Variants in ADRA1A observed in about 807,000 individuals in gnomAD.
ADRA1A encodes alpha-1A adrenergic receptor.
A neutral mutation model predicts 29.6 loss-of-function variants in ADRA1A; 31 were observed. The observed-to-expected ratio is 1.05, with a 90% CI of 0.79 to 1.41. The LOEUF (loss-of-function observed/expected upper bound fraction) is 1.41, where lower values mean the gene tolerates loss of function less well. Ranked by LOEUF, ADRA1A falls within the 40% of genes most tolerant of loss-of-function variation. ADRA1A has a pLI of 0.00. For missense variants in ADRA1A, 619 were observed against 601.1 expected, an observed-to-expected ratio of 1.03 and a Z score of -0.31; for synonymous variants, 311 against 254.3, an observed-to-expected ratio of 1.22 and a Z score of -2.12.
chr8:26,769,018 G>C lies in ADRA1A; in HGVS notation c.*1131C>G. ...ATCCATCAGTATTGTCTGAAGCTAAGCATTAGTATTTTTCAAAGTTCGGGA... is the reference window on the plus strand; with the variant it reads ...ATCCATCAGTATTGTCTGAAGCTAACCATTAGTATTTTTCAAAGTTCGGGA... On this transcript the variant is annotated 3_prime_UTR_variant, in exon 3 of 3. Transcript: ENST00000380573. The C allele has an allele frequency of 3.0e-6, 3 of 985,434 alleles. No individual in the cohort carries two copies. The highest frequency in any genetic ancestry group is 3.6e-6 in the Non-Finnish European group (3 of 829,934). 61.0% of individuals were successfully genotyped at this position (985,434 alleles called of 1,614,324 possible).
chr8:26,768,973 C>A lies in ADRA1A; in HGVS notation c.*1176G>T, dbSNP rs1481244052. The A allele has an allele frequency of 4.1e-6, 4 of 985,282 alleles. No homozygotes were observed. Among genetic ancestry groups the A allele is most frequent in the Non-Finnish European group, 4.8e-6 (4 of 829,902 alleles). The allele number at this position is 985,282 out of a possible 1,614,324, so 61.0% of individuals were successfully genotyped here. On this transcript the variant is annotated 3_prime_UTR_variant, in exon 3 of 3. Coordinates refer to ENST00000380573, the MANE Select transcript of ADRA1A (RefSeq NM_000680.4). ...ATCAAAAAATGTTTGCAAACTCCTG[C>A]GTTAGACAGTTCTTTGGTGATCCAT... is the stretch of plus-strand genomic sequence containing the variant.
chr8:26,756,686 C>T (rs758789334), exon 3 of ADRA1A: 52 of 1,613,108 alleles, frequency 3.2e-5, no homozygotes, highest in Non-Finnish European at 3.7e-5. Flanking sequence ...CAGTGGGTCG[C>T]AGGACCAGTG....
Position 26,865,212 on chromosome 8 carries a change from G to A in ADRA1A, c.-243C>T. 2 of 1,354,898 alleles carry A rather than the reference G, an allele frequency of 1.5e-6. No homozygotes were observed. The highest frequency in any genetic ancestry group is 9.5e-7 in the Non-Finnish European group (1 of 1,055,450). 83.9% of individuals were successfully genotyped at this position (1,354,898 alleles called of 1,614,324 possible). A position where few individuals can be genotyped will look rare whatever the true frequency, so the allele number is the denominator to read the frequency against. On this transcript the variant is annotated 5_prime_UTR_variant, in exon 2 of 3. Coordinates refer to ENST00000380573, the MANE Select transcript of ADRA1A (RefSeq NM_000680.4). The surrounding 1 kb of genome is among the most constrained non-coding windows in gnomAD (Gnocchi z 7.6). ...GACATGGCCAGGGGCGCGCGGGGCT[G>A]CCGGGGACCCTCTCCACCTGCCGGG... is the stretch of plus-strand genomic sequence containing the variant.
At chr8:26,752,273 G>C (rs1381446374), downstream of ADRA1A, among the ~76,000 whole-genome samples, 2 of 152,188 alleles carry the variant, frequency 1.3e-5, no homozygotes, top group African/African-American at 4.8e-5. Context: ...TGAGGAGGCG[G>C]TGTCTCATTT....
intron 2 of ADRA1A, among the ~76,000 whole-genome samples, chr8:26,759,251 A>G (rs909510525): frequency 6.6e-6 from 1 of 152,242 alleles, no homozygotes; most frequent in Non-Finnish European, 1.5e-5. Flanking sequence ...AAGTTTAGGT[A>G]TCAGGGTTGC....
rs955552743 is a variant in ADRA1A, at chr8:26,815,876, A to G, written c.884-45210T>C. Among the ~76,000 whole-genome samples, 2 of 152,186 alleles carry G rather than the reference A, an allele frequency of 1.3e-5. No individual in the cohort carries two copies. Among genetic ancestry groups the G allele is most frequent in the African/African-American group, 4.8e-5 (2 of 41,442 alleles). ...ATTAAGTGCTAATGCTTCTCTGGAG[A>G]GGTTCCAGGGCAGAAGGAATGAGAG... On this transcript the variant is annotated intron_variant, in intron 2 of 2. Transcript: ENST00000380573. This position sits in a 1 kb window ranked among gnomAD's most constrained non-coding sequence, Gnocchi z 4.2.
chr8:26,846,079 A>T (rs996284278), intron 2 of ADRA1A, among the ~76,000 whole-genome samples: 3 of 152,246 alleles, frequency 2.0e-5, no homozygotes, highest in African/African-American at 7.2e-5. Context: ...ATTTTACGTT[A>T]TGTGAATTTA....
intron 2 of ADRA1A, among the ~76,000 whole-genome samples, chr8:26,774,910 T>C (rs1461266479): frequency 2.6e-5 from 4 of 152,156 alleles, no homozygotes; most frequent in Non-Finnish European, 5.9e-5. Flanking sequence ...CCTCCATTCT[T>C]CCCAAATCTC....
At chr8:26,856,033 G>A (rs1384669505) in intron 2 of ADRA1A, among the ~76,000 whole-genome samples, 2 of 152,204 alleles carry the variant, frequency 1.3e-5, no homozygotes, top group Non-Finnish European at 2.9e-5. Context: ...ATTGTTCAAA[G>A]CATTGTTAGA....
chr8:26,790,398 T>TA (rs1807729598), intron 2 of ADRA1A, among the ~76,000 whole-genome samples: 1 of 152,068 alleles, frequency 6.6e-6, no homozygotes, highest in Non-Finnish European at 1.5e-5. Context: ...ATGCAGAAGC[T>TA]AAAAAAGTTG....
In ADRA1A at chr8:26,770,427, C is replaced by A. The variant is rs61731555; in HGVS notation, c.1123G>T (p.Val375Leu). 1.8e-4 allele frequency: 295 copies of A among 1,614,210 alleles called. 1 individual carries two copies. In the African/African-American group the frequency reaches 3.8e-3, roughly 21 times the overall value. The change falls in exon 3 of 3, where the codon GTG (valine) becomes TTG (leucine). Residue 375 changes from valine to leucine, a missense_variant. Coordinates refer to ENST00000380573, the MANE Select transcript of ADRA1A (RefSeq NM_000680.4). Reference protein sequence around the residue: ...QAVEGQHKDMVRIPVGSRETF... With the variant: ...QAVEGQHKDMLRIPVGSRETF... ...TCTCTTGATCCCACGGGGATGCGCA[C>A]CATGTCCTTGTGTTGCCCTTCCACG...
At chr8:26,752,314 G>C (rs181824080), downstream of ADRA1A, among the ~76,000 whole-genome samples, 4 of 152,206 alleles carry the variant, frequency 2.6e-5, no homozygotes, top group Non-Finnish European at 4.4e-5. Flanking sequence ...GTTGGACCAG[G>C]TGTGCTATTT....
downstream of ADRA1A, among the ~76,000 whole-genome samples, chr8:26,763,231 A>G (rs1805605279): frequency 6.6e-6 from 1 of 152,154 alleles, no homozygotes; most frequent in African/African-American, 2.4e-5. This position sits in a 1 kb window ranked among gnomAD's most constrained non-coding sequence, Gnocchi z 4.5. Context: ...TGCCATGTCC[A>G]GGAGGCCTTC....
At chr8:26,752,685 A>G (rs1208235366), downstream of ADRA1A, among the ~76,000 whole-genome samples, 1 of 152,162 alleles carries the variant, frequency 6.6e-6, no homozygotes, top group Admixed American at 6.5e-5. Context: ...CTATCAGTTG[A>G]CTTAGATGCC....
At position 26,775,840 on chromosome 8, in the gene ADRA1A, C is replaced by G. The variant is rs749750195; in HGVS notation, c.884-5174G>C. Among the ~76,000 whole-genome samples the G allele has an allele frequency of 7.2e-5, 11 of 152,208 alleles. No individual in the cohort carries two copies. Among genetic ancestry groups the G allele is most frequent in the Non-Finnish European group, 1.3e-4 (9 of 68,040 alleles). On this transcript the variant is annotated intron_variant, in intron 2 of 2. Coordinates refer to ENST00000380573, the MANE Select transcript of ADRA1A (RefSeq NM_000680.4). The surrounding 1 kb of genome is among the most constrained non-coding windows in gnomAD (Gnocchi z 4.1). ...TATGGCCAAACACCATCAACATTCT[C>G]ATTCATGGAGATTCAGAATCCTCAC...
chr8:26,804,069 G>A (rs552996297), intron 2 of ADRA1A, among the ~76,000 whole-genome samples: 112 of 152,022 alleles, frequency 7.4e-4, no homozygotes, highest in African/African-American at 2.6e-3. Flanking sequence ...CCGCAGGTGT[G>A]TGCCACCACA....
intron 2 of ADRA1A, among the ~76,000 whole-genome samples, chr8:26,751,322 C>T (rs954464545): frequency 6.6e-6 from 1 of 151,522 alleles, no homozygotes; most frequent in Non-Finnish European, 1.5e-5. Flanking sequence ...TTTTCCTCCA[C>T]CTACACAACA....
At chr8:26,763,647 T>G (rs548849550), downstream of ADRA1A, among the ~76,000 whole-genome samples, 1 of 152,276 alleles carries the variant, frequency 6.6e-6, no homozygotes, top group Non-Finnish European at 1.5e-5. This position sits in a 1 kb window ranked among gnomAD's most constrained non-coding sequence, Gnocchi z 4.5. Context: ...AATATTTGTA[T>G]GTGGAACACC....
At chr8:26,828,289 T>C (rs1209530938) in intron 2 of ADRA1A, among the ~76,000 whole-genome samples, 1 of 152,220 alleles carries the variant, frequency 6.6e-6, no homozygotes, top group East Asian at 1.9e-4. Flanking sequence ...CTTTTCTTTT[T>C]TTTCTTTTGT....
Sources: gnomAD v4.1 joint callset for allele counts (sites outside exome capture counted in the v4.1 genomes callset) on GRCh38, gnomAD v4.1.1 for gene constraint, Gnocchi (gnomAD v3.1) non-coding constraint, MANE v1.5 for transcripts, NCBI Gene and HGNC (gene_info 2026-07-23, HGNC 2026-07-21) for gene names.